The following ADAT3 variants were observed in gnomAD, a reference collection of about 807,000 sequenced individuals.
The protein encoded by ADAT3 is tRNA-specific adenosine-34 deaminase regulatory subunit ADAT3.
A neutral mutation model predicts 3.5 loss-of-function variants in ADAT3; 2 were observed. The ratio of observed to expected loss-of-function variants is 0.57; its 90% confidence interval spans 0.23 to 1.79. The LOEUF (loss-of-function observed/expected upper bound fraction) is 1.79. Ranked by LOEUF, ADAT3 falls within the 40% of genes most tolerant of loss-of-function variation. The pLI is 0.18. For synonymous variants in ADAT3, 358 were observed against 270.3 expected, an observed-to-expected ratio of 1.32 and a Z score of -3.18; for missense variants, 735 against 571.4, an observed-to-expected ratio of 1.29 and a Z score of -2.92.
At position 1,909,321 on chromosome 19, in the gene ADAT3, C is replaced by T. The variant is rs543687783; in HGVS notation, c.-158-2569C>T. ...AGCAGTCCCTGCAGGCTGGCTGTCC[C>T]CACGCCTGCCTCTCTGCTGTGCTGT... On this transcript the variant is annotated intron_variant, in intron 1 of 1. Coordinates refer to ENST00000329478, the MANE Select transcript of ADAT3 (RefSeq NM_138422.4). 5.0e-4 allele frequency among the ~76,000 whole-genome samples: 76 copies of T among 152,264 alleles called. No individual in the cohort carries two copies. In the Middle Eastern group the frequency reaches 0.01, roughly 20 times the overall value.
intron 1 of ADAT3, among the ~76,000 whole-genome samples, chr19:1,910,575 C>CT (rs11350651): frequency 0.021 from 2,012 of 95,036 alleles, 62 homozygotes; most frequent in African/African-American, 0.063. Flanking sequence ...TTTGAGGTGT[C>CT]TTTTTTTTTT....
At chr19:1,911,760 G>A in intron 1 of ADAT3, 130 bp from the exon 2 acceptor site, 1 of 305,796 alleles carries the variant, frequency 3.3e-6, no homozygotes, top group African/African-American at 2.2e-5. Context: ...TCCAGCCTGG[G>A]CGACAGCGAG....
chr19:1,912,683 G>A lies in ADAT3; in HGVS notation c.636G>A (p.Gly212=). The A allele has an allele frequency of 1.4e-6, 2 of 1,459,506 alleles. No homozygotes were observed. Among genetic ancestry groups the A allele is most frequent in the South Asian group, 2.7e-5 (2 of 74,228 alleles). 90.4% of individuals were successfully genotyped at this position (1,459,506 alleles called of 1,614,324 possible). Residue 212 remains glycine (G), a synonymous_variant, in exon 2 of 2, where the codon GGG becomes GGA. Transcript: ENST00000329478. The stretch of plus-strand genomic sequence containing the variant: ...CAGCGCGGGGCTTGCGGGCCGTGGG[G>A]GCCGTGGTAGTGGACCCGGCCTCGG... ...RAAARGLRAV[G]AVVVDPASDR... is the part of the protein sequence containing the mutation.
rs771850354 is a variant in ADAT3, at chr19:1,913,023, G to A, written c.976G>A (p.Ala326Thr). 1.9e-6 allele frequency: 3 copies of A among 1,605,662 alleles called. No homozygotes were observed. Among genetic ancestry groups the A allele is most frequent in the Non-Finnish European group, 2.5e-6 (3 of 1,179,266 alleles). The change falls in exon 2 of 2, where the codon GCG (alanine) becomes ACG (threonine). Residue 326 changes from alanine to threonine, a missense_variant. Physicochemically the swap from Ala to Thr is moderately conservative, Grantham distance 58. Coordinates refer to ENST00000329478, the MANE Select transcript of ADAT3 (RefSeq NM_138422.4). ...HARILRVFYG[A>T]PSPDGALGTR... is the part of the protein sequence containing the mutation. Reference sequence around the variant, plus strand: ...ACGCATCCTGCGCGTCTTCTACGGTGCGCCCTCGCCCGACGGCGCCCTGGG... The same window carrying A: ...ACGCATCCTGCGCGTCTTCTACGGTACGCCCTCGCCCGACGGCGCCCTGGG...
In ADAT3 at chr19:1,913,243, G is replaced by T; in HGVS notation, c.*92G>T. 6.9e-7 allele frequency: 1 copy of T among 1,440,108 alleles called. No homozygotes were observed. Among genetic ancestry groups the T allele is most frequent in the South Asian group, 1.5e-5 (1 of 67,626 alleles). 89.2% of individuals were successfully genotyped at this position (1,440,108 alleles called of 1,614,324 possible). ...GCCTCGATTTCTTCCGCACAAGCCT[G>T]ACCGTGGATTTCAGGGACACATACC... On this transcript the variant is annotated 3_prime_UTR_variant, in exon 2 of 2. Coordinates refer to ENST00000329478, the MANE Select transcript of ADAT3 (RefSeq NM_138422.4).
At chr19:1,905,482 C>T (rs1245943497) in intron 1 of ADAT3, 43 bp downstream of exon 1, 5 of 446,678 alleles carry the variant, frequency 1.1e-5, no homozygotes, top group East Asian at 8.5e-5. Context: ...CAGGCTCAGA[C>T]TTCCCCAGAG....
rs2145421201 is a variant in ADAT3 at position 1,907,075 on chromosome 19, T to C, written c.-159+1636T>C. On this transcript the variant is annotated intron_variant, in intron 1 of 1. Transcript: ENST00000329478. ...AGTGGTGCACATCTGTTGTCCCAGC[T>C]GCTTGGGAGGCTAAGGCAGGAGAAT... The C allele has an allele frequency of 2.0e-5, 3 of 150,430 alleles. No homozygotes were observed. In the Middle Eastern group the frequency reaches 0.011, roughly 537 times the overall value. The allele number at this position is 150,430 out of a possible 1,614,324, so 9.3% of individuals were successfully genotyped here.
chr19:1,910,323 C>A (rs1347288246), intron 1 of ADAT3, among the ~76,000 whole-genome samples: 3 of 152,236 alleles, frequency 2.0e-5, no homozygotes, highest in African/African-American at 7.2e-5. Context: ...CAGTTCCTGG[C>A]CACATGGCCC....
chr19:1,913,378 G>C lies in ADAT3; in HGVS notation c.*227G>C. 1.5e-6 allele frequency: 1 copy of C among 651,790 alleles called. No individual in the cohort carries two copies. Among genetic ancestry groups the C allele is most frequent in the Admixed American group, 3.2e-5 (1 of 31,602 alleles). The allele number at this position is 651,790 out of a possible 1,614,324, so 40.4% of individuals were successfully genotyped here. A position where few individuals can be genotyped will look rare whatever the true frequency, so the allele number is the denominator to read the frequency against. On this transcript the variant is annotated 3_prime_UTR_variant, in exon 2 of 2. Transcript: ENST00000329478. ...GTGCCCTTCTGCGGCCGCCCTTGCT[G>C]CGTTTGTGTCCCCTCTGTCTCGCGG...
intron 1 of ADAT3, among the ~76,000 whole-genome samples, chr19:1,909,326 C>G (rs1395299698): frequency 6.6e-6 from 1 of 152,170 alleles, no homozygotes; most frequent in Admixed American, 6.5e-5. Context: ...TGTCCCCACG[C>G]CTGCCTCTCT....
Position 1,912,956 on chromosome 19 carries a change from C to T in ADAT3, c.909C>T (p.Thr303=). 6.2e-7 allele frequency: 1 copy of T among 1,610,328 alleles called. No homozygotes were observed. Among genetic ancestry groups the T allele is most frequent in the Non-Finnish European group, 8.5e-7 (1 of 1,179,370 alleles). The change falls in exon 2 of 2, where the codon ACC becomes ACT. Residue 303 remains threonine (T), a synonymous_variant. Coordinates refer to ENST00000329478, the MANE Select transcript of ADAT3 (RefSeq NM_138422.4). ...GCACTGGCTACGACCTGTACGTGAC[C>T]CGCGAGCCCTGCGCCATGTGCGCCA... ...YLCTGYDLYV[T]REPCAMCAMA...
Position 1,912,063 on chromosome 19 carries a change from C to G in ADAT3, c.16C>G (p.Arg6Gly), listed in dbSNP as rs770766635. Residue 6 changes from arginine (R) to glycine (G), a missense_variant, in exon 2 of 2, where the codon CGT becomes GGT. By Grantham distance (125) the Arg-to-Gly change is moderately radical (BLOSUM62 -2). Coordinates refer to ENST00000329478, the MANE Select transcript of ADAT3 (RefSeq NM_138422.4). ...CAGCCGCCGGATGATCCTCTGCTCC[C>G]GTCTCTGTCTCCCACAGTCGGCCTC... The part of the protein sequence containing the change: MILCS[R>G]LCLPQSASLR... The G allele has an allele frequency of 4.9e-6, 7 of 1,435,216 alleles. No homozygotes were observed. In the African/African-American group the frequency reaches 5.9e-5, roughly 12 times the overall value. 88.9% of individuals were successfully genotyped at this position (1,435,216 alleles called of 1,614,324 possible).
Position 1,912,457 on chromosome 19 carries a change from G to T in ADAT3, c.410G>T (p.Gly137Val). 6.6e-7 allele frequency: 1 copy of T among 1,505,996 alleles called. No homozygotes were observed. The highest frequency in any genetic ancestry group is 8.8e-7 in the Non-Finnish European group (1 of 1,134,574). The allele number at this position is 1,505,996 out of a possible 1,614,324, so 93.3% of individuals were successfully genotyped here. The part of the protein sequence containing the change: ...PRPAVDPRGL[G>V]QPFLVPVPAR... The stretch of plus-strand genomic sequence containing the variant: ...CCGGCTGTGGACCCCCGCGGCCTGG[G>T]GCAACCCTTCCTGGTGCCCGTGCCC... Residue 137 changes from glycine (G) to valine (V), a missense_variant, in exon 2 of 2, where the codon GGG (glycine) becomes GTG (valine). By Grantham distance (109) the Gly-to-Val change is moderately radical (BLOSUM62 -3). Transcript: ENST00000329478.
chr19:1,906,721 C>T (rs955390833), intron 1 of ADAT3: 2 of 151,748 alleles, frequency 1.3e-5, no homozygotes, highest in Non-Finnish European at 2.9e-5. Context: ...GTGGTGGACG[C>T]CTGTGGTCCC....
rs1373234051 is a variant in ADAT3, at chr19:1,908,531, G to A, written c.-159+3092G>A. On this transcript the variant is annotated intron_variant, in intron 1 of 1. Coordinates refer to ENST00000329478, the MANE Select transcript of ADAT3 (RefSeq NM_138422.4). This position sits in a 1 kb window ranked among gnomAD's most constrained non-coding sequence, Gnocchi z 4.2. The stretch of plus-strand genomic sequence containing the variant: ...CAGCGGGGATGTGTAGTCCAGGCTG[G>A]CAGTTCAGGATCACCCGGCTGGAGT... The A allele has an allele frequency of 1.3e-5, 6 of 471,040 alleles. No homozygotes were observed. Among genetic ancestry groups the A allele is most frequent in the Non-Finnish European group, 1.8e-5 (4 of 227,046 alleles). 29.2% of individuals were successfully genotyped at this position (471,040 alleles called of 1,614,324 possible). A position where few individuals can be genotyped will look rare whatever the true frequency, so the allele number is the denominator to read the frequency against.
In ADAT3 at chr19:1,908,909, A is replaced by G. The variant is rs1471631682; in HGVS notation, c.-158-2981A>G. Among the ~76,000 whole-genome samples, 4 of 151,944 alleles carry G rather than the reference A, an allele frequency of 2.6e-5. No homozygotes were observed. Among genetic ancestry groups the G allele is most frequent in the African/African-American group, 9.7e-5 (4 of 41,322 alleles). On this transcript the variant is annotated intron_variant, in intron 1 of 1. Transcript: ENST00000329478. The surrounding 1 kb of genome is among the most constrained non-coding windows in gnomAD (Gnocchi z 4.2). The stretch of plus-strand genomic sequence containing the variant: ...ACCTGAGGTCAGGAGTTCCAAGACC[A>G]GCCTGGCCAACATGGTGGAACCCCG...
chr19:1,908,345 A>C lies in ADAT3; in HGVS notation c.-159+2906A>C. On this transcript the variant is annotated intron_variant, in intron 1 of 1. Coordinates refer to ENST00000329478, the MANE Select transcript of ADAT3 (RefSeq NM_138422.4). The surrounding 1 kb of genome is among the most constrained non-coding windows in gnomAD (Gnocchi z 4.2). ...CCGCTTCAGCGTGACCTCCAAGGCC[A>C]CTGGCCTGGAGTTCCACTGGCTGCT... 1 of 374,124 alleles carries C rather than the reference A, an allele frequency of 2.7e-6. No homozygotes were observed. Among genetic ancestry groups the C allele is most frequent in the Admixed American group, 3.4e-5 (1 of 29,368 alleles). The allele number at this position is 374,124 out of a possible 1,614,324, so 23.2% of individuals were successfully genotyped here. A position where few individuals can be genotyped will look rare whatever the true frequency, so the allele number is the denominator to read the frequency against.
rs145060001 is a variant in ADAT3, at chr19:1,907,371, T to C, written c.-159+1932T>C. On this transcript the variant is annotated intron_variant, in intron 1 of 1. Coordinates refer to ENST00000329478, the MANE Select transcript of ADAT3 (RefSeq NM_138422.4). ...CCCTCCATCCCCCCATTTTCTCTTA[T>C]GTACCTGACAGCCCTGCCTTAAAAA... Among the ~76,000 whole-genome samples, 236 of 146,814 alleles carry C rather than the reference T, an allele frequency of 1.6e-3. 1 individual carries two copies. The highest frequency in any genetic ancestry group is 5.4e-3 in the African/African-American group (209 of 38,644).
At chr19:1,911,848 G>C (rs544156634) in intron 1 of ADAT3, 42 bp from the exon 2 acceptor site, 3 of 502,480 alleles carry the variant, frequency 6.0e-6, no homozygotes, top group Admixed American at 4.3e-5. Context: ...TTATATCTTC[G>C]TTTTTAAAAA....
Sources: allele counts gnomAD v4.1 joint callset (sites outside exome capture counted in the v4.1 genomes callset), GRCh38; gene constraint gnomAD v4.1.1; non-coding constraint Gnocchi (gnomAD v3.1); transcripts MANE v1.5; gene names NCBI Gene and HGNC (gene_info 2026-07-23, HGNC 2026-07-21).